Variants in ICA1L observed in about 807,000 individuals in gnomAD.
The protein encoded by ICA1L is islet cell autoantigen 1 like.
A neutral mutation model predicts 61.3 loss-of-function variants in ICA1L; 50 were observed. That is an observed-to-expected ratio of 0.82 (90% CI 0.65 to 1.03). The LOEUF (loss-of-function observed/expected upper bound fraction) is 1.03, where lower values mean the gene tolerates loss of function less well. Ranked by LOEUF, ICA1L falls within the 50% of genes least tolerant of loss-of-function variation. ICA1L has a pLI of 0.00. For synonymous variants in ICA1L, 161 were observed against 191.3 expected (o/e 0.84, Z 1.31); for missense variants, 508 against 556.7 (o/e 0.91, Z 0.88).
chr2:202,832,671 T>C (rs1340059403), intron 1 of ICA1L, among the ~76,000 whole-genome samples: 1 of 152,072 alleles, frequency 6.6e-6, no homozygotes, highest in African/African-American at 2.4e-5. Flanking sequence ...CCCAGCATTT[T>C]GGGAGGCTGA....
intron 2 of ICA1L, among the ~76,000 whole-genome samples, chr2:202,826,384 C>A (rs1385209162): frequency 1.3e-5 from 2 of 152,032 alleles, no homozygotes; most frequent in Non-Finnish European, 2.9e-5. Flanking sequence ...GAGATGAGGC[C>A]ACACTATATA....
rs143905411 is a variant in ICA1L, at chr2:202,774,848, A to G, written c.*4685T>C. On this transcript the variant is annotated 3_prime_UTR_variant, in exon 13 of 13. Coordinates refer to ENST00000358299, the MANE Select transcript of ICA1L (RefSeq NM_001288622.3). ...GAGGCAGCAAGAAAACCGGAAGTTT[A>G]AAACGTACACTACAAATGTAAAAAC... 0.012 allele frequency: 1,829 copies of G among 152,574 alleles called. 32 individuals carry two copies. The highest frequency in any genetic ancestry group is 0.043 in the Admixed American group (665 of 15,312). 9.5% of individuals were successfully genotyped at this position (152,574 alleles called of 1,614,324 possible).
At chr2:202,805,435 A>C (rs1186170878) in intron 9 of ICA1L, among the ~76,000 whole-genome samples, 2 of 151,924 alleles carry the variant, frequency 1.3e-5, no homozygotes, top group Non-Finnish European at 2.9e-5. Flanking sequence ...ATAGCCTTAA[A>C]GAAAGAAAGA....
intron 5 of ICA1L, 79 bp downstream of exon 5, chr2:202,819,613 AAAACATCTG>A (rs1286035312): frequency 2.8e-6 from 3 of 1,075,266 alleles, no homozygotes; most frequent in Non-Finnish European, 4.2e-6. Context: ...TATTTACCAA[AAAACATCTG>A]AAATTTTATT....
chr2:202,796,026 G>C (rs1302408457), intron 10 of ICA1L, among the ~76,000 whole-genome samples: 2 of 148,954 alleles, frequency 1.3e-5, no homozygotes, highest in Non-Finnish European at 3.0e-5. Flanking sequence ...CTGGATGACA[G>C]AGCGAGACTG....
chr2:202,847,901 T>TA (rs111508590), intron 1 of ICA1L, among the ~76,000 whole-genome samples: 1 of 151,918 alleles, frequency 6.6e-6, no homozygotes, highest in Non-Finnish European at 1.5e-5. Flanking sequence ...TATGCAGCCA[T>TA]AAAAAAGAAC....
At chr2:202,824,253 T>G (rs1352543329) in intron 3 of ICA1L, among the ~76,000 whole-genome samples, 1 of 151,968 alleles carries the variant, frequency 6.6e-6, no homozygotes, top group Non-Finnish European at 1.5e-5. Flanking sequence ...ATACAAAAAT[T>G]GGCCAGGCAT....
At chr2:202,817,001 A>G (rs1248291254) in intron 6 of ICA1L, among the ~76,000 whole-genome samples, 1 of 152,232 alleles carries the variant, frequency 6.6e-6, no homozygotes, top group East Asian at 1.9e-4. Context: ...TTTAATTCTC[A>G]TAGGTGTCAC....
At chr2:202,870,983 G>A (rs186120611) in intron 1 of ICA1L, 2 of 152,348 alleles carry the variant, frequency 1.3e-5, no homozygotes, top group Admixed American at 1.3e-4. Context: ...TGTGCCGTGG[G>A]GTCGGGTTGC....
At position 202,775,893 on chromosome 2, in the gene ICA1L, C is replaced by T. The variant is rs1005628905; in HGVS notation, c.*3640G>A. ...ATCAACTCAATGTACTTTCCTAATACTATGATCTTGAGGTAAAACCCAAGT... is the reference window on the plus strand; with the variant it reads ...ATCAACTCAATGTACTTTCCTAATATTATGATCTTGAGGTAAAACCCAAGT... On this transcript the variant is annotated 3_prime_UTR_variant, in exon 13 of 13. Coordinates refer to ENST00000358299, the MANE Select transcript of ICA1L (RefSeq NM_001288622.3). 1 of 152,154 alleles carries T rather than the reference C, an allele frequency of 6.6e-6. No individual in the cohort carries two copies. Among genetic ancestry groups the T allele is most frequent in the African/African-American group, 2.4e-5 (1 of 41,434 alleles). 9.4% of individuals were successfully genotyped at this position (152,154 alleles called of 1,614,324 possible).
intron 9 of ICA1L, among the ~76,000 whole-genome samples, chr2:202,798,465 T>A (rs1692998520): frequency 6.6e-6 from 1 of 152,132 alleles, no homozygotes; most frequent in South Asian, 2.1e-4. Context: ...AGTTTTGAAC[T>A]TCTGGGCTCA....
chr2:202,779,484 G>T lies in ICA1L; in HGVS notation c.*49C>A. 1 of 1,112,456 alleles carries T rather than the reference G, an allele frequency of 9.0e-7. No homozygotes were observed. Among genetic ancestry groups the T allele is most frequent in the Non-Finnish European group, 1.3e-6 (1 of 741,744 alleles). 68.9% of individuals were successfully genotyped at this position (1,112,456 alleles called of 1,614,324 possible). A position where few individuals can be genotyped will look rare whatever the true frequency, so the allele number is the denominator to read the frequency against. ...TAAATCCTTTCCACGAAGGAAATAC[G>T]TTGCAAAATTGATGTCTCAAGGCCA... On this transcript the variant is annotated 3_prime_UTR_variant, in exon 13 of 13. Transcript: ENST00000358299.
Position 202,821,410 on chromosome 2 carries a change from C to T in ICA1L, c.307G>A (p.Gly103Ser), listed in dbSNP as rs1378485548. The change falls in exon 4 of 13, where the codon GGC (glycine) becomes AGC (serine). Residue 103 changes from glycine (G) to serine (S), a missense_variant. Coordinates refer to ENST00000358299, the MANE Select transcript of ICA1L (RefSeq NM_001288622.3). ...TTGCCAGTGGCATCCATCATTTTGC[C>T]AGCTTGAGTTGCATCCCGTTCTGCT... The part of the protein sequence containing the change: ...FQAERDATQA[G>S]KMMDATGKAL... 2 of 1,613,546 alleles carry T rather than the reference C, an allele frequency of 1.2e-6. No homozygotes were observed. Among genetic ancestry groups the T allele is most frequent in the South Asian group, 2.2e-5 (2 of 90,996 alleles).
At chr2:202,796,373 G>A (rs1341011360) in intron 10 of ICA1L, among the ~76,000 whole-genome samples, 6 of 152,126 alleles carry the variant, frequency 3.9e-5, no homozygotes, top group Non-Finnish European at 8.8e-5. Flanking sequence ...AGGAGAAAAT[G>A]TTTACAACCT....
At position 202,774,266 on chromosome 2, in the gene ICA1L, G is replaced by GAC. The variant is rs1337580287; in HGVS notation, c.*5265_*5266dup. On this transcript the variant is annotated 3_prime_UTR_variant, in exon 13 of 13. Transcript: ENST00000358299. ...CTCGCTCCTGTCGGCCAAAGGCCGT[G>GAC]ACCCCGACGCGTGCAGGCACCTACG... is the stretch of plus-strand genomic sequence containing the variant. The GAC allele has an allele frequency of 1.3e-6, 2 of 1,544,680 alleles. No homozygotes were observed. The highest frequency in any genetic ancestry group is 1.7e-6 in the Non-Finnish European group (2 of 1,145,136).
chr2:202,837,133 C>T (rs1244930845), intron 1 of ICA1L, among the ~76,000 whole-genome samples: 3 of 152,044 alleles, frequency 2.0e-5, no homozygotes. Flanking sequence ...TGAGCCACTG[C>T]ACCCGGCCTG....
chr2:202,782,833 C>A (rs900534728), intron 12 of ICA1L, among the ~76,000 whole-genome samples: 1 of 151,604 alleles, frequency 6.6e-6, no homozygotes, highest in African/African-American at 2.4e-5. Flanking sequence ...TTTTTGTGTT[C>A]GTTTCTGAAA....
At position 202,773,624 on chromosome 2, in the gene ICA1L, C is replaced by G; in HGVS notation, c.*5909G>C. 3.2e-6 allele frequency: 2 copies of G among 633,584 alleles called. No homozygotes were observed. The highest frequency in any genetic ancestry group is 3.9e-5 in the South Asian group (2 of 51,290). 39.2% of individuals were successfully genotyped at this position (633,584 alleles called of 1,614,324 possible). A position where few individuals can be genotyped will look rare whatever the true frequency, so the allele number is the denominator to read the frequency against. On this transcript the variant is annotated 3_prime_UTR_variant, in exon 13 of 13. Transcript: ENST00000358299. ...AAGCCTGATATGCTCAAAGCAAAGC[C>G]TCTTTCCCACAAACTAAATTCCATC...
intron 3 of ICA1L, among the ~76,000 whole-genome samples, chr2:202,824,266 T>C (rs887687390): frequency 6.6e-6 from 1 of 152,082 alleles, no homozygotes; most frequent in Non-Finnish European, 1.5e-5. Context: ...CCAGGCATGG[T>C]GGCAGGTGCC....
Sources: allele counts gnomAD v4.1 joint callset (sites outside exome capture counted in the v4.1 genomes callset), GRCh38; gene constraint gnomAD v4.1.1; transcripts MANE v1.5; gene names NCBI Gene and HGNC (gene_info 2026-07-23, HGNC 2026-07-21).